The following MMS22L variants were observed in gnomAD, a reference collection of about 807,000 sequenced individuals.
MMS22L encodes MMS22 like, DNA repair protein, also known as protein MMS22-like.
A neutral mutation model predicts 159.1 loss-of-function variants in MMS22L; 74 were observed. The ratio of observed to expected loss-of-function variants is 0.47; its 90% CI spans 0.39 to 0.56. The LOEUF is 0.56. MMS22L is among the 20% of genes least tolerant of loss of function. The pLI is 0.00. For synonymous variants in MMS22L, 517 were observed against 506.9 expected (o/e 1.02, Z -0.27); for missense variants, 1,351 against 1,422.1 (o/e 0.95, Z 0.80).
intron 22 of MMS22L, among the ~76,000 whole-genome samples, chr6:97,157,389 CT>C (rs1334156778): frequency 2.0e-5 from 3 of 152,270 alleles, no homozygotes; most frequent in East Asian, 3.9e-4. Flanking sequence ...GTATCCTTGT[CT>C]TATGCCAGTT....
chr6:97,159,337 C>G (rs151199450), intron 22 of MMS22L, among the ~76,000 whole-genome samples: 2 of 151,926 alleles, frequency 1.3e-5, no homozygotes, highest in African/African-American at 4.8e-5. Context: ...TGTGGTCACT[C>G]TAAGCTAACC....
rs758918582 is a variant in MMS22L at position 97,272,665 on chromosome 6, A to C, written c.606+39T>G. The C allele has an allele frequency of 1.1e-5, 17 of 1,551,942 alleles. No individual in the cohort carries two copies. In the South Asian group the frequency reaches 1.8e-4, roughly 16 times the overall value. ...GAATGAATACTCCTTGTGGGGAGAA[A>C]AAGCTGATAATTTAAAAATCAAATG... is the stretch of plus-strand genomic sequence containing the variant. On this transcript the variant is annotated intron_variant, in intron 6 of 24. Coordinates refer to ENST00000683635, the MANE Select transcript of MMS22L (RefSeq NM_001350599.2).
At chr6:97,236,195 G>A (rs1442803768) in intron 11 of MMS22L, among the ~76,000 whole-genome samples, 1 of 151,812 alleles carries the variant, frequency 6.6e-6, no homozygotes, top group African/African-American at 2.4e-5. Flanking sequence ...TGGACGAGAT[G>A]GCAGGCACCT....
rs550022378 is a variant in MMS22L at position 97,142,205 on chromosome 6, T to G, written c.*4601A>C. ...TATTATTATATATAATTTTATCATA[T>G]GCACAAATAACTCATAAATATGTAT... On this transcript the variant is annotated 3_prime_UTR_variant, in exon 25 of 25. Transcript: ENST00000683635. 6.6e-6 allele frequency: 1 copy of G among 151,806 alleles called. No individual in the cohort carries two copies. Among genetic ancestry groups the G allele is most frequent in the South Asian group, 2.1e-4 (1 of 4,828 alleles). 9.4% of individuals were successfully genotyped at this position (151,806 alleles called of 1,614,324 possible).
chr6:97,241,781 TCA>T (rs754429504), intron 11 of MMS22L, among the ~76,000 whole-genome samples: 76 of 152,316 alleles, frequency 5.0e-4, no homozygotes, highest in Admixed American at 2.2e-3. Context: ...TTGCTGTACC[TCA>T]GAGGTTTTGA....
intron 10 of MMS22L, among the ~76,000 whole-genome samples, chr6:97,247,178 C>T (rs545308454): frequency 7.9e-5 from 12 of 152,030 alleles, no homozygotes; most frequent in African/African-American, 2.2e-4. Context: ...TTGACAACCT[C>T]GACTATCTAG....
At chr6:97,222,244 C>T (rs2127981448) in intron 14 of MMS22L, among the ~76,000 whole-genome samples, 1 of 152,028 alleles carries the variant, frequency 6.6e-6, no homozygotes, top group Non-Finnish European at 1.5e-5. Flanking sequence ...TACACAAACA[C>T]TTCAAATGTC....
At chr6:97,244,791 C>T (rs1201968085) in intron 11 of MMS22L, among the ~76,000 whole-genome samples, 1 of 151,984 alleles carries the variant, frequency 6.6e-6, no homozygotes, top group African/African-American at 2.4e-5. Context: ...TCTAGAGAAC[C>T]CTAATACAAA....
intron 15 of MMS22L, among the ~76,000 whole-genome samples, chr6:97,185,364 ATCAAG>A (rs1260291433): frequency 1.3e-5 from 2 of 152,244 alleles, no homozygotes; most frequent in East Asian, 3.9e-4. Flanking sequence ...CTCCTAAACT[ATCAAG>A]TCTTTATTTC....
rs763053328 is a variant in MMS22L at position 97,186,619 on chromosome 6, G to A, written c.2111C>T (p.Ser704Leu). Residue 704 changes from serine to leucine, a missense_variant, in exon 15 of 25, where the codon TCG becomes TTG. Ser to Leu is a moderately radical substitution (Grantham distance 145). Coordinates refer to ENST00000683635, the MANE Select transcript of MMS22L (RefSeq NM_001350599.2). ...NVDLFVQSSL[S>L]AKERHLAAVA... ...TGCAGCAAGGTGGCGCTCTTTAGCC[G>A]ATAATGAAGACTGTACAAATAGGTC... is the stretch of plus-strand genomic sequence containing the variant. 11 of 1,611,444 alleles carry A rather than the reference G, an allele frequency of 6.8e-6. No individual in the cohort carries two copies. Among genetic ancestry groups the A allele is most frequent in the Middle Eastern group, 1.6e-4 (1 of 6,074 alleles).
At chr6:97,265,675 A>C (rs1815018762) in intron 8 of MMS22L, 1 of 152,068 alleles carries the variant, frequency 6.6e-6, no homozygotes, top group Admixed American at 6.6e-5. Flanking sequence ...AAAACAACCC[A>C]ATTACAAAAT....
chr6:97,274,229 T>A (rs1173977243), intron 4 of MMS22L, among the ~76,000 whole-genome samples: 1 of 152,194 alleles, frequency 6.6e-6, no homozygotes, highest in Non-Finnish European at 1.5e-5. Flanking sequence ...TAAAGTTTAA[T>A]TCAAATGAAC....
At chr6:97,213,128 C>T (rs1435150818) in intron 14 of MMS22L, among the ~76,000 whole-genome samples, 3 of 152,036 alleles carry the variant, frequency 2.0e-5, no homozygotes, top group Non-Finnish European at 4.4e-5. Context: ...AGGTTGCAGC[C>T]AGGCATGGTG....
chr6:97,209,980 C>T (rs1332667890), intron 14 of MMS22L, among the ~76,000 whole-genome samples: 1 of 151,718 alleles, frequency 6.6e-6, no homozygotes, highest in African/African-American at 2.4e-5. Context: ...AAGAGAAAAG[C>T]AAATTTGCTT....
intron 14 of MMS22L, among the ~76,000 whole-genome samples, chr6:97,199,146 T>C (rs1806862918): frequency 6.6e-6 from 1 of 152,146 alleles, no homozygotes; most frequent in South Asian, 2.1e-4. Context: ...TTAGTGGCTA[T>C]ATGCTATGTG....
At chr6:97,167,876 T>G (rs945760257) in intron 20 of MMS22L, among the ~76,000 whole-genome samples, 195 bp downstream of exon 20, 1 of 152,174 alleles carries the variant, frequency 6.6e-6, no homozygotes. Context: ...CTCTCAACTT[T>G]AAGCTCCTCT....
At chr6:97,202,811 A>T (rs542202543) in intron 14 of MMS22L, among the ~76,000 whole-genome samples, 1 of 152,312 alleles carries the variant, frequency 6.6e-6, no homozygotes, top group Middle Eastern at 3.4e-3. Flanking sequence ...CACACACAGA[A>T]TTATTTATAA....
At chr6:97,251,640 A>AT (rs1449637424) in intron 10 of MMS22L, among the ~76,000 whole-genome samples, 1 of 152,180 alleles carries the variant, frequency 6.6e-6, no homozygotes. Flanking sequence ...AAAATATGTG[A>AT]TTTTTTAAAA....
At chr6:97,157,618 T>C (rs543946346) in intron 22 of MMS22L, among the ~76,000 whole-genome samples, 5 of 152,136 alleles carry the variant, frequency 3.3e-5, no homozygotes, top group Non-Finnish European at 5.9e-5. Context: ...TGATGGATTA[T>C]GTTTATTGAT....
Sources: gnomAD v4.1 joint callset for allele counts (sites outside exome capture counted in the v4.1 genomes callset) on GRCh38, gnomAD v4.1.1 for gene constraint, MANE v1.5 for transcripts, NCBI Gene and HGNC (gene_info 2026-07-23, HGNC 2026-07-21) for gene names.